Variants in TEAD2 observed in about 807,000 individuals in gnomAD.
The protein encoded by TEAD2 is transcriptional enhancer factor TEF-4.
A neutral mutation model predicts 61.4 loss-of-function variants in TEAD2; 51 were observed. The ratio of observed to expected loss-of-function variants is 0.83; its 90% CI spans 0.66 to 1.05. TEAD2 has a LOEUF of 1.05. TEAD2 is among the 50% of genes least tolerant of loss of function. The probability of loss-of-function intolerance (pLI) is 0.00; values close to 1 mark genes in which losing one functional copy is unlikely to be tolerated. For missense variants in TEAD2, 509 were observed against 600.0 expected, an observed-to-expected ratio of 0.85 and a Z score of 1.58; for synonymous variants, 244 against 243.2, an observed-to-expected ratio of 1.00 and a Z score of -0.03.
intron 12 of TEAD2, 34 bp downstream of exon 12, chr19:49,342,404 G>A (rs765135243): frequency 2.8e-5 from 45 of 1,607,606 alleles, no homozygotes; most frequent in Non-Finnish European, 3.3e-5. Flanking sequence ...CTCCACACTG[G>A]GGGGCCCCAC....
At position 49,359,207 on chromosome 19, in the gene TEAD2, C is replaced by T. The variant is rs775654404; in HGVS notation, c.297+228G>A. ...GAGCCAAGATCGCGCCACTGCACTC[C>T]GGCCTGGGCAACAGAGCTAGACTCC... On this transcript the variant is annotated intron_variant, in intron 3 of 12. Coordinates refer to ENST00000593945, the MANE Select transcript of TEAD2 (RefSeq NM_001256660.2). This position sits in a 1 kb window ranked among gnomAD's most constrained non-coding sequence, Gnocchi z 4.1. 236 of 495,090 alleles carry T rather than the reference C, an allele frequency of 4.8e-4. No homozygotes were observed. Among genetic ancestry groups the T allele is most frequent in the Non-Finnish European group, 7.6e-4 (208 of 272,890 alleles). 30.7% of individuals were successfully genotyped at this position (495,090 alleles called of 1,614,324 possible).
chr19:49,355,064 G>A (rs113705273), intron 7 of TEAD2, 84 bp downstream of exon 7: 8 of 878,008 alleles, frequency 9.1e-6, no homozygotes, highest in African/African-American at 8.5e-5. Context: ...GGGGGACACA[G>A]GAGCTAGAAG....
chr19:49,341,354 C>T lies in TEAD2; in HGVS notation c.1326G>A (p.Gln442=). 6.2e-7 allele frequency: 1 copy of T among 1,614,010 alleles called. No individual in the cohort carries two copies. Among genetic ancestry groups the T allele is most frequent in the Non-Finnish European group, 8.5e-7 (1 of 1,179,956 alleles). The change falls in exon 13 of 13, where the codon CAG becomes CAA. Residue 442 remains glutamine (Q), a synonymous_variant. Transcript: ENST00000593945. The surrounding 1 kb of genome is among the most constrained non-coding windows in gnomAD (Gnocchi z 4.2). ...FEVSTSERGA[Q]HHIYRLVRD ...CCCTGACCAGGCGGTAAATGTGATGCTGGGCCCCACGCTCGCTGGTGGAGA... is the reference window on the plus strand; with the variant it reads ...CCCTGACCAGGCGGTAAATGTGATGTTGGGCCCCACGCTCGCTGGTGGAGA...
chr19:49,343,219 C>T lies in TEAD2; in HGVS notation c.1089+12G>A, dbSNP rs963052454. Reference sequence around the variant, plus strand: ...CAAGTGCTGACCCAGAGCTCCACCCCTCCAGCCTCACCTCCACCTTCTCCA... The same window carrying T: ...CAAGTGCTGACCCAGAGCTCCACCCTTCCAGCCTCACCTCCACCTTCTCCA... On this transcript the variant is annotated intron_variant, in intron 11 of 12. Transcript: ENST00000593945. The T allele has an allele frequency of 1.2e-6, 2 of 1,602,362 alleles. No homozygotes were observed. The highest frequency in any genetic ancestry group is 1.7e-6 in the Non-Finnish European group (2 of 1,174,074).
rs1205341839 is a variant in TEAD2, at chr19:49,341,454, G to A, written c.1243-17C>T. 6.2e-7 allele frequency: 1 copy of A among 1,607,952 alleles called. No homozygotes were observed. Among genetic ancestry groups the A allele is most frequent in the Admixed American group, 1.7e-5 (1 of 59,988 alleles). ...TGTCACCACCTGCCAGGAAGGCCAGGACAAGGGACTTATGCTTAGAAGGGA... is the reference window on the plus strand; with the variant it reads ...TGTCACCACCTGCCAGGAAGGCCAGAACAAGGGACTTATGCTTAGAAGGGA... On this transcript the variant is annotated splice_polypyrimidine_tract_variant and intron_variant, in intron 12 of 12. Coordinates refer to ENST00000593945, the MANE Select transcript of TEAD2 (RefSeq NM_001256660.2). The surrounding 1 kb of genome is among the most constrained non-coding windows in gnomAD (Gnocchi z 4.2).
Position 49,359,354 on chromosome 19 carries a change from G to T in TEAD2, c.297+81C>A. 1.5e-6 allele frequency: 2 copies of T among 1,341,004 alleles called. No individual in the cohort carries two copies. Among genetic ancestry groups the T allele is most frequent in the Non-Finnish European group, 2.1e-6 (2 of 938,376 alleles). The allele number at this position is 1,341,004 out of a possible 1,614,324, so 83.1% of individuals were successfully genotyped here. A position where few individuals can be genotyped will look rare whatever the true frequency, so the allele number is the denominator to read the frequency against. ...ACGCACAGGAAGCAGCTTCTTCCTT[G>T]AACCTGAACCTGCCCATGCGAGGAT... On this transcript the variant is annotated intron_variant, in intron 3 of 12. Coordinates refer to ENST00000593945, the MANE Select transcript of TEAD2 (RefSeq NM_001256660.2). This position sits in a 1 kb window ranked among gnomAD's most constrained non-coding sequence, Gnocchi z 4.1.
chr19:49,354,770 C>T (rs1028965089), intron 7 of TEAD2, among the ~76,000 whole-genome samples: 6 of 152,230 alleles, frequency 3.9e-5, no homozygotes, highest in Non-Finnish European at 7.4e-5. Context: ...GAGGCTGAGG[C>T]GGGTGGATCA....
At chr19:49,353,971 G>GTGTGT (rs797015866) in intron 7 of TEAD2, among the ~76,000 whole-genome samples, 31 of 137,644 alleles carry the variant, frequency 2.3e-4, no homozygotes, top group Non-Finnish European at 3.1e-4. Flanking sequence ...TTTTTTTTTT[G>GTGTGT]GTGTTTTTAG....
At chr19:49,361,405 G>C in intron 1 of TEAD2, 1 of 153,484 alleles carries the variant, frequency 6.5e-6, no homozygotes, top group Non-Finnish European at 1.4e-5. Flanking sequence ...CCTAGAAAGG[G>C]CAGGGACAGA....
Position 49,349,567 on chromosome 19 carries a change from C to A in TEAD2, c.605-722G>T, listed in dbSNP as rs190486505. ...CTCATGAATGTCTTGGTGCCTTCCC[C>A]ATAGTAACAAGTGAATTCTCACTCT... is the stretch of plus-strand genomic sequence containing the variant. On this transcript the variant is annotated intron_variant, in intron 8 of 12. Transcript: ENST00000593945. Among the ~76,000 whole-genome samples, 62 of 151,978 alleles carry A rather than the reference C, an allele frequency of 4.1e-4. 5 individuals carry two copies. The East Asian group carries it at 7.6e-3, about 19-fold the overall frequency.
At position 49,343,774 on chromosome 19, in the gene TEAD2, T is replaced by C. The variant is rs1266653962; in HGVS notation, c.922-376A>G. Among the ~76,000 whole-genome samples the C allele has an allele frequency of 9.4e-5, 14 of 148,862 alleles. 1 individual carries two copies. In the Admixed American group the frequency reaches 9.4e-4, roughly 10 times the overall value. ...AAAACACAGTGGGGACTCTGCCCCA[T>C]AGCCTACCATTACCCCTGCAGTTCC... On this transcript the variant is annotated intron_variant, in intron 10 of 12. Coordinates refer to ENST00000593945, the MANE Select transcript of TEAD2 (RefSeq NM_001256660.2).
rs112979806 is a variant in TEAD2 at position 49,343,800 on chromosome 19, C to T, written c.922-402G>A. Among the ~76,000 whole-genome samples, 625 of 144,670 alleles carry T rather than the reference C, an allele frequency of 4.3e-3. 8 individuals are homozygous for T. The highest frequency in any genetic ancestry group is 0.015 in the African/African-American group (599 of 39,652). The allele number at this position is 144,670 out of a possible 152,430, so 94.9% of individuals were successfully genotyped here. The stretch of plus-strand genomic sequence containing the variant: ...AGCCTACCATTACCCCTGCAGTTCC[C>T]GGCTTGATTCTTCAGTGTTGTTTTG... On this transcript the variant is annotated intron_variant, in intron 10 of 12. Transcript: ENST00000593945.
At position 49,356,988 on chromosome 19, in the gene TEAD2, CTA is replaced by C. The variant is rs1208693930; in HGVS notation, c.360+262_360+263del. 2.0e-5 allele frequency among the ~76,000 whole-genome samples: 3 copies of C among 151,228 alleles called. No homozygotes were observed. In the East Asian group the frequency reaches 5.8e-4, roughly 29 times the overall value. On this transcript the variant is annotated intron_variant, in intron 4 of 12. Coordinates refer to ENST00000593945, the MANE Select transcript of TEAD2 (RefSeq NM_001256660.2). ...TCTCTGGGTCTCTGTCCCCCTCTGTCTATGGGTCTCTGTCCCTCTCTCTCTGG... is the reference window on the plus strand; with the variant it reads ...TCTCTGGGTCTCTGTCCCCCTCTGTCTGGGTCTCTGTCCCTCTCTCTCTGG...
At chr19:49,349,320 G>A (rs2146407379) in intron 8 of TEAD2, among the ~76,000 whole-genome samples, 1 of 152,174 alleles carries the variant, frequency 6.6e-6, no homozygotes, top group Non-Finnish European at 1.5e-5. Flanking sequence ...AATATTAGCT[G>A]GGCATGGTGG....
In TEAD2 at chr19:49,359,643, C is replaced by G; in HGVS notation, c.233-144G>C. On this transcript the variant is annotated intron_variant, in intron 2 of 12. Transcript: ENST00000593945. The surrounding 1 kb of genome is among the most constrained non-coding windows in gnomAD (Gnocchi z 4.1). ...CCGGTCCCCTCAGCTACGTGGAAGC[C>G]AGACTGCTTGGGTTCAAATCCCAGC... 1 of 1,105,180 alleles carries G rather than the reference C, an allele frequency of 9.0e-7. No homozygotes were observed. The highest frequency in any genetic ancestry group is 1.4e-5 in the South Asian group (1 of 71,562). 68.5% of individuals were successfully genotyped at this position (1,105,180 alleles called of 1,614,324 possible). A position where few individuals can be genotyped will look rare whatever the true frequency, so the allele number is the denominator to read the frequency against.
Position 49,343,269 on chromosome 19 carries a change from C to A in TEAD2, c.1051G>T (p.Val351Phe), listed in dbSNP as rs780758119. The change falls in exon 11 of 13, where the codon GTC becomes TTC. Residue 351 changes from valine (V) to phenylalanine (F), a missense_variant. By Grantham distance (50) the Val-to-Phe change is conservative (BLOSUM62 -1). Transcript: ENST00000593945. Reference sequence around the variant, plus strand: ...ACCACCTGCTTGCCAAAAGAGCAGACCTTGGAGGAACAGGTGAGGGTCATG... The same window carrying A: ...ACCACCTGCTTGCCAAAAGAGCAGAACTTGGAGGAACAGGTGAGGGTCATG... Reference protein sequence around the residue: ...EHMTLTCSSKVCSFGKQVVEK... With the variant: ...EHMTLTCSSKFCSFGKQVVEK... 6.2e-6 allele frequency: 10 copies of A among 1,613,662 alleles called. No individual in the cohort carries two copies. The highest frequency in any genetic ancestry group is 8.5e-6 in the Non-Finnish European group (10 of 1,179,806).
At chr19:49,357,966 G>A (rs1410028709) in intron 3 of TEAD2, among the ~76,000 whole-genome samples, 1 of 152,130 alleles carries the variant, frequency 6.6e-6, no homozygotes, top group East Asian at 1.9e-4. Context: ...TGGGCTCAGT[G>A]GCTCAGCTGT....
intron 11 of TEAD2, among the ~76,000 whole-genome samples, 167 bp from the exon 12 acceptor site, chr19:49,342,757 C>G (rs1371058271): frequency 6.6e-6 from 1 of 152,064 alleles, no homozygotes; most frequent in Non-Finnish European, 1.5e-5. Context: ...CCTGAACCCT[C>G]GGAGATCCGA....
intron 9 of TEAD2, among the ~76,000 whole-genome samples, chr19:49,347,701 A>C (rs1357190563): frequency 2.0e-5 from 3 of 151,000 alleles, no homozygotes; most frequent in South Asian, 4.2e-4. Flanking sequence ...CCTGCCCCTG[A>C]CCCTCCCCTG....
Sources: allele counts gnomAD v4.1 joint callset (sites outside exome capture counted in the v4.1 genomes callset), GRCh38; gene constraint gnomAD v4.1.1; non-coding constraint Gnocchi (gnomAD v3.1); transcripts MANE v1.5; gene names NCBI Gene and HGNC (gene_info 2026-07-23, HGNC 2026-07-21).